STYX: variants seen among roughly 807,000 people sequenced by gnomAD.
STYX encodes serine/threonine/tyrosine interacting protein, also known as serine/threonine/tyrosine-interacting protein.
Under a neutral mutation model 42.7 loss-of-function variants are expected in STYX, and 20 were observed. That is an observed-to-expected ratio of 0.47 (90% CI 0.33 to 0.68). The LOEUF (loss-of-function observed/expected upper bound fraction) is 0.68. STYX is among the 30% of genes least tolerant of loss of function. The probability of loss-of-function intolerance (pLI) is 0.02; values close to 1 mark genes in which losing one functional copy is unlikely to be tolerated. For synonymous variants in STYX, 78 were observed against 81.9 expected (o/e 0.95, Z 0.26); for missense variants, 226 against 268.5 (o/e 0.84, Z 1.11).
chr14:52,745,228 C>T (rs564930043), intron 2 of STYX, among the ~76,000 whole-genome samples: 1 of 151,150 alleles, frequency 6.6e-6, no homozygotes, highest in East Asian at 2.0e-4. Context: ...TCAAGTGATT[C>T]TCCTGCCTCA....
intron 1 of STYX, among the ~76,000 whole-genome samples, chr14:52,734,513 A>G (rs1362741165): frequency 6.6e-6 from 1 of 152,186 alleles, no homozygotes; most frequent in Non-Finnish European, 1.5e-5. Flanking sequence ...GGTTTGATCA[A>G]AAATAGTGGC....
chr14:52,746,669 C>G lies in STYX; in HGVS notation c.144+190C>G, dbSNP rs189727064. Reference sequence around the variant, plus strand: ...CCAGTAGTTCTCAAGTGTTTCACCACAAATCAGAGTTTTTGTTTTTTCCTC... The same window carrying G: ...CCAGTAGTTCTCAAGTGTTTCACCAGAAATCAGAGTTTTTGTTTTTTCCTC... On this transcript the variant is annotated intron_variant, in intron 3 of 10. Transcript: ENST00000354586. 2.4e-4 allele frequency among the ~76,000 whole-genome samples: 37 copies of G among 152,260 alleles called. 1 individual carries two copies. In the East Asian group the frequency reaches 5.6e-3, roughly 23 times the overall value.
At chr14:52,762,616 A>C (rs189026754) in intron 9 of STYX, among the ~76,000 whole-genome samples, 3 of 151,422 alleles carry the variant, frequency 2.0e-5, no homozygotes, top group Admixed American at 2.0e-4. Flanking sequence ...TGGTTTTACT[A>C]TCTCTGTCAC....
intron 9 of STYX, among the ~76,000 whole-genome samples, chr14:52,768,112 C>T (rs1178474393): frequency 6.6e-6 from 1 of 152,108 alleles, no homozygotes; most frequent in Non-Finnish European, 1.5e-5. Flanking sequence ...CCTTTTTTAG[C>T]GAGCTATGAA....
intron 8 of STYX, among the ~76,000 whole-genome samples, chr14:52,758,345 A>C (rs990687394): frequency 6.6e-6 from 1 of 152,188 alleles, no homozygotes; most frequent in Admixed American, 6.5e-5. Context: ...AGCATTCTGT[A>C]TAGATTTTTT....
chr14:52,731,082 G>A (rs1230362408), intron 1 of STYX, among the ~76,000 whole-genome samples: 1 of 152,196 alleles, frequency 6.6e-6, no homozygotes, highest in Non-Finnish European at 1.5e-5. Flanking sequence ...ACCTTTGGAG[G>A]AAAATTAATA....
intron 1 of STYX, 81 bp from the exon 2 acceptor site, chr14:52,744,771 A>C (rs1881328928): frequency 1.5e-6 from 2 of 1,296,534 alleles, no homozygotes; most frequent in East Asian, 4.7e-5. Flanking sequence ...AAATCTACAT[A>C]CTTGTGTGTC....
chr14:52,739,233 C>G (rs1198881916), intron 1 of STYX, among the ~76,000 whole-genome samples: 1 of 151,816 alleles, frequency 6.6e-6, no homozygotes, highest in African/African-American at 2.4e-5. Flanking sequence ...GTTATCGAAT[C>G]CTGATGGTAG....
chr14:52,745,599 A>G (rs1490310880), intron 2 of STYX, among the ~76,000 whole-genome samples: 2 of 152,240 alleles, frequency 1.3e-5, no homozygotes, highest in East Asian at 1.9e-4. Context: ...AACTTCCACA[A>G]TTAAGTCTTC....
chr14:52,730,448 C>G lies in STYX; in HGVS notation c.-27C>G, dbSNP rs754869803. On this transcript the variant is annotated 5_prime_UTR_variant, in exon 1 of 11. Coordinates refer to ENST00000354586, the MANE Select transcript of STYX (RefSeq NM_145251.4). ...GCCGGCTGTGTAACACTCTCCCACC[C>G]CACCCACCAGCCCGCGGGCCAGCAC... 6 of 1,612,178 alleles carry G rather than the reference C, an allele frequency of 3.7e-6. No individual in the cohort carries two copies. The African/African-American group carries it at 5.3e-5, about 14-fold the overall frequency.
At chr14:52,768,555 T>A (rs1218768949) in intron 9 of STYX, among the ~76,000 whole-genome samples, 1 of 151,948 alleles carries the variant, frequency 6.6e-6, no homozygotes, top group African/African-American at 2.4e-5. Context: ...TTTTTGGGGT[T>A]TTTTTAAACA....
At chr14:52,748,021 G>A (rs548494866) in intron 3 of STYX, among the ~76,000 whole-genome samples, 3 of 152,192 alleles carry the variant, frequency 2.0e-5, no homozygotes, top group Non-Finnish European at 4.4e-5. Context: ...CACAAAAAAA[G>A]GTCTAGTTCT....
intron 2 of STYX, among the ~76,000 whole-genome samples, chr14:52,745,635 G>T (rs996229781): frequency 2.0e-5 from 3 of 152,174 alleles, no homozygotes; most frequent in African/African-American, 7.2e-5. Flanking sequence ...AATACTTTCA[G>T]TTTGGAATGA....
chr14:52,760,738 A>G (rs1882057887), intron 9 of STYX, among the ~76,000 whole-genome samples: 1 of 152,286 alleles, frequency 6.6e-6, no homozygotes, highest in East Asian at 1.9e-4. Context: ...TTTGTCTTCT[A>G]ACTTTGTAAG....
At chr14:52,735,947 T>A (rs1006439117) in intron 1 of STYX, among the ~76,000 whole-genome samples, 16 of 152,370 alleles carry the variant, frequency 1.1e-4, no homozygotes, top group Admixed American at 2.0e-4. Flanking sequence ...TTCCATTGTT[T>A]TGAAGATGAA....
At chr14:52,757,539 CTG>C (rs752849777) in intron 6 of STYX, among the ~76,000 whole-genome samples, 184 bp downstream of exon 6, 25 of 152,258 alleles carry the variant, frequency 1.6e-4, no homozygotes, top group Admixed American at 5.9e-4. Context: ...TCCCTGTAGA[CTG>C]TTTTCAAATT....
chr14:52,746,546 A>C, intron 3 of STYX, 67 bp downstream of exon 3: 12 of 1,348,342 alleles, frequency 8.9e-6, no homozygotes, highest in Non-Finnish European at 1.1e-5. Context: ...TAAGTTTTTT[A>C]GTAATAAAGA....
chr14:52,757,395 T>C, intron 6 of STYX, 40 bp downstream of exon 6: 1 of 1,538,168 alleles, frequency 6.5e-7, no homozygotes, highest in Non-Finnish European at 9.0e-7. Flanking sequence ...GTTTATATTT[T>C]GATTATTTGT....
In STYX at chr14:52,760,187, G is replaced by A. The variant is rs1882035161; in HGVS notation, c.504+433G>A. Among the ~76,000 whole-genome samples, 3 of 152,108 alleles carry A rather than the reference G, an allele frequency of 2.0e-5. No individual in the cohort carries two copies. In the East Asian group the frequency reaches 5.8e-4, roughly 29 times the overall value. On this transcript the variant is annotated intron_variant, in intron 9 of 10. Coordinates refer to ENST00000354586, the MANE Select transcript of STYX (RefSeq NM_145251.4). ...TTTGCACTCCAGCCTGGCCCACAGA[G>A]TGAGACCCCATCCCTAAAAAATTAA...
Sources: gnomAD v4.1 joint callset for allele counts (sites outside exome capture counted in the v4.1 genomes callset) on GRCh38, gnomAD v4.1.1 for gene constraint, MANE v1.5 for transcripts, NCBI Gene and HGNC (gene_info 2026-07-23, HGNC 2026-07-21) for gene names.